Variants in SLC4A4 observed in about 807,000 individuals in gnomAD.
The protein encoded by SLC4A4 is electrogenic sodium bicarbonate cotransporter 1.
A neutral mutation model predicts 111.5 loss-of-function variants in SLC4A4; 27 were observed. The observed-to-expected ratio is 0.24, with a 90% confidence interval of 0.18 to 0.33. The LOEUF is 0.33. Ranked by LOEUF, SLC4A4 falls within the 10% of genes least tolerant of loss-of-function variation. The probability of loss-of-function intolerance (pLI) is 1.00; values close to 1 mark genes in which losing one functional copy is unlikely to be tolerated. For synonymous variants in SLC4A4, 443 were observed against 463.4 expected, an observed-to-expected ratio of 0.96 and a Z score of 0.57; for missense variants, 909 against 1,315.5, an observed-to-expected ratio of 0.69 and a Z score of 4.78.
chr4:71,501,910 G>T (rs1263700501), intron 16 of SLC4A4, among the ~76,000 whole-genome samples: 1 of 152,000 alleles, frequency 6.6e-6, no homozygotes, highest in African/African-American at 2.4e-5. Context: ...TGATCCCCCT[G>T]CCTAGGCCTC....
intron 16 of SLC4A4, among the ~76,000 whole-genome samples, chr4:71,521,694 G>T (rs1732948425): frequency 6.6e-6 from 1 of 152,178 alleles, no homozygotes; most frequent in Non-Finnish European, 1.5e-5. Flanking sequence ...GTCCCAGACA[G>T]TGAGACTGGG....
At chr4:71,383,002 C>T (rs575011855) in intron 6 of SLC4A4, among the ~76,000 whole-genome samples, 2 of 152,170 alleles carry the variant, frequency 1.3e-5, no homozygotes, top group Non-Finnish European at 2.9e-5. Flanking sequence ...TGCACCTTTG[C>T]CCACTGGCTT....
chr4:71,376,473 G>A lies in SLC4A4; in HGVS notation c.730+19286G>A, dbSNP rs988741797. On this transcript the variant is annotated intron_variant, in intron 6 of 25. Transcript: ENST00000264485. ...CCGCCTCAGCCTCCCATAGTGCTGG[G>A]ATTACAGGCATAAGCCACTGCATCT... Among the ~76,000 whole-genome samples the A allele has an allele frequency of 2.6e-5, 4 of 151,366 alleles. 1 individual carries two copies. The South Asian group carries it at 8.3e-4, about 31-fold the overall frequency.
chr4:71,355,221 A>G (rs1730180785), intron 5 of SLC4A4, among the ~76,000 whole-genome samples: 1 of 152,210 alleles, frequency 6.6e-6, no homozygotes, highest in Non-Finnish European at 1.5e-5. Context: ...CAGGAAGGGT[A>G]GATAAGAAAC....
At position 71,472,902 on chromosome 4, in the gene SLC4A4, C is replaced by G; in HGVS notation, c.1835C>G (p.Pro612Arg). 1 of 1,612,918 alleles carries G rather than the reference C, an allele frequency of 6.2e-7. No individual in the cohort carries two copies. Among genetic ancestry groups the G allele is most frequent in the East Asian group, 2.2e-5 (1 of 44,782 alleles). The change falls in exon 14 of 26, where the codon CCC becomes CGC. Residue 612 changes from proline to arginine, a missense_variant. Pro to Arg is a moderately radical substitution (Grantham distance 103). Coordinates refer to ENST00000264485, the MANE Select transcript of SLC4A4 (RefSeq NM_001098484.3). Reference protein sequence around the residue: ...KKMIKLADYYPINSNFKVGYN... With the variant: ...KKMIKLADYYRINSNFKVGYN... ...ATGATCAAGCTTGCAGATTACTACC[C>G]CATCAACTCCAACTTCAAAGTGGGC... is the stretch of plus-strand genomic sequence containing the variant.
intron 1 of SLC4A4, among the ~76,000 whole-genome samples, chr4:71,231,752 A>G (rs938027530): frequency 1.3e-5 from 2 of 152,190 alleles, no homozygotes; most frequent in African/African-American, 4.8e-5. Flanking sequence ...CTTTGTTTTC[A>G]GCGAATGCAG....
intron 14 of SLC4A4, among the ~76,000 whole-genome samples, chr4:71,476,178 T>A (rs1384151260): frequency 6.6e-6 from 1 of 151,832 alleles, no homozygotes; most frequent in Non-Finnish European, 1.5e-5. Flanking sequence ...ATCTCCCCCA[T>A]AACCTTAGTA....
rs76320341 is a variant in SLC4A4 at position 71,107,137 on chromosome 4, A to G, written c.-2+14345A>G. On this transcript the variant is annotated intron_variant, in intron 2 of 26. Coordinates refer to the SLC4A4 transcript ENST00000649996. ...AAGTGAGATATGTTATCTATCTTGTAGATAGCATATAGATAGCATATAGTT... is the reference window on the plus strand; with the variant it reads ...AAGTGAGATATGTTATCTATCTTGTGGATAGCATATAGATAGCATATAGTT... Among the ~76,000 whole-genome samples, 40 of 152,054 alleles carry G rather than the reference A, an allele frequency of 2.6e-4. 1 individual carries two copies. In the East Asian group the frequency reaches 7.2e-3, roughly 27 times the overall value.
At chr4:71,222,223 A>G (rs1431013015) in intron 1 of SLC4A4, among the ~76,000 whole-genome samples, 4 of 151,968 alleles carry the variant, frequency 2.6e-5, no homozygotes, top group Non-Finnish European at 5.9e-5. Flanking sequence ...ACTCTGCACC[A>G]CCTACTGGCC....
intron 10 of SLC4A4, 142 bp from the exon 11 acceptor site, chr4:71,451,046 T>C (rs1482904731): frequency 1.4e-6 from 1 of 693,788 alleles, no homozygotes; most frequent in African/African-American, 1.8e-5. Context: ...TAAAGAACTG[T>C]CTGTTAGATA....
chr4:71,272,215 G>A lies in SLC4A4; in HGVS notation c.253+16816G>A, dbSNP rs112740003. Among the ~76,000 whole-genome samples, 197 of 152,322 alleles carry A rather than the reference G, an allele frequency of 1.3e-3. 1 individual carries two copies. The highest frequency in any genetic ancestry group is 4.1e-3 in the African/African-American group (171 of 41,574). On this transcript the variant is annotated intron_variant, in intron 3 of 25. Coordinates refer to ENST00000264485, the MANE Select transcript of SLC4A4 (RefSeq NM_001098484.3). ...TTCTCTCATCTAGGCTTCAGTAGGA[G>A]GTGAGTTGTAGAAAAGCTCATGTAG...
Position 71,563,905 on chromosome 4 carries a change from C to T in SLC4A4, c.3196+16C>T, listed in dbSNP as rs201413486. ...CCTTCTGACAGTGAGTAGAACTAAC[C>T]TCTTGCATGCTTGCTTGAATATGAT... On this transcript the variant is annotated intron_variant, in intron 24 of 25. Coordinates refer to ENST00000264485, the MANE Select transcript of SLC4A4 (RefSeq NM_001098484.3). 6.8e-7 allele frequency: 1 copy of T among 1,474,222 alleles called. No individual in the cohort carries two copies. Among genetic ancestry groups the T allele is most frequent in the South Asian group, 1.1e-5 (1 of 88,132 alleles). The allele number at this position is 1,474,222 out of a possible 1,614,324, so 91.3% of individuals were successfully genotyped here.
chr4:71,063,335 TC>T (rs1741435298), intron 1 of SLC4A4, among the ~76,000 whole-genome samples: 1 of 152,164 alleles, frequency 6.6e-6, no homozygotes, highest in African/African-American at 2.4e-5. Flanking sequence ...TGCCAAAATC[TC>T]CATTAAACGT....
At chr4:71,282,240 T>C (rs918550450) in intron 3 of SLC4A4, among the ~76,000 whole-genome samples, 2 of 151,740 alleles carry the variant, frequency 1.3e-5, no homozygotes, top group Non-Finnish European at 2.9e-5. Flanking sequence ...CAGTATAGTT[T>C]ATGGCAAGTG....
chr4:71,407,231 T>TA (rs1720940972), intron 7 of SLC4A4, among the ~76,000 whole-genome samples: 1 of 152,198 alleles, frequency 6.6e-6, no homozygotes, highest in South Asian at 2.1e-4. Flanking sequence ...GAATTACTAT[T>TA]AAAAATGAAT....
Position 71,472,694 on chromosome 4 carries a change from T to C in SLC4A4, c.1632-5T>C. 1 of 1,612,520 alleles carries C rather than the reference T, an allele frequency of 6.2e-7. No homozygotes were observed. The highest frequency in any genetic ancestry group is 8.5e-7 in the Non-Finnish European group (1 of 1,179,012). The stretch of plus-strand genomic sequence containing the variant: ...AATCTAAACATTTTTCTTTCTTTTT[T>C]CCAGGGACAATAATTTTGACTATTT... On this transcript the variant is annotated splice_polypyrimidine_tract_variant and splice_region_variant and intron_variant, in intron 13 of 25. Coordinates refer to ENST00000264485, the MANE Select transcript of SLC4A4 (RefSeq NM_001098484.3).
chr4:71,083,136 A>G (rs1464756882), intron 1 of SLC4A4, among the ~76,000 whole-genome samples: 2 of 152,032 alleles, frequency 1.3e-5, no homozygotes, highest in Non-Finnish European at 2.9e-5. Context: ...TGCAGGCGTG[A>G]GCCACCATGC....
intron 20 of SLC4A4, among the ~76,000 whole-genome samples, chr4:71,549,081 C>T (rs1735774952): frequency 6.6e-6 from 1 of 151,812 alleles, no homozygotes. Context: ...AAAATAACCT[C>T]AGAAAAGTTG....
intron 3 of SLC4A4, among the ~76,000 whole-genome samples, chr4:71,275,186 T>C (rs1218313231): frequency 6.6e-6 from 1 of 152,220 alleles, no homozygotes; most frequent in Non-Finnish European, 1.5e-5. Context: ...GCTTTAATTG[T>C]TGCCAGTGCC....
Sources: allele counts gnomAD v4.1 joint callset (sites outside exome capture counted in the v4.1 genomes callset), GRCh38; gene constraint gnomAD v4.1.1; transcripts MANE v1.5; gene names NCBI Gene and HGNC (gene_info 2026-07-23, HGNC 2026-07-21).